Variants in BCL11B observed in about 807,000 individuals in gnomAD.
BCL11B encodes B-cell lymphoma/leukemia 11B.
Under a neutral mutation model 49.9 loss-of-function variants are expected in BCL11B, and 8 were observed. That is an observed-to-expected ratio of 0.16 (90% confidence interval 0.09 to 0.29). BCL11B has a LOEUF of 0.29. Among genes scored for constraint, BCL11B ranks in the 10% least tolerant of loss-of-function variants. The pLI is 1.00. For synonymous variants in BCL11B, 739 were observed against 637.4 expected (o/e 1.16, Z -2.40); for missense variants, 1,006 against 1,351.0 (o/e 0.74, Z 4.00).
Position 99,195,704 on chromosome 14 carries a change from G to C in BCL11B, c.641-19509C>G, listed in dbSNP as rs143836584. Among the ~76,000 whole-genome samples, 17 of 152,166 alleles carry C rather than the reference G, an allele frequency of 1.1e-4. No individual in the cohort carries two copies. Among genetic ancestry groups the C allele is most frequent in the Admixed American group, 3.9e-4 (6 of 15,296 alleles). ...AAATAAAGCATAAGTAAGTTTCCTC[G>C]AGCTAGCACCCCACCCCCAAGGATA... is the stretch of plus-strand genomic sequence containing the variant. On this transcript the variant is annotated intron_variant, in intron 3 of 3. Coordinates refer to ENST00000357195, the MANE Select transcript of BCL11B (RefSeq NM_138576.4). The surrounding 1 kb of genome is among the most constrained non-coding windows in gnomAD (Gnocchi z 4.7).
At chr14:99,258,557 C>G (rs1329058862) in intron 1 of BCL11B, among the ~76,000 whole-genome samples, 1 of 152,198 alleles carries the variant, frequency 6.6e-6, no homozygotes, top group East Asian at 1.9e-4. Context: ...AGCCCACATG[C>G]TCAGAAAGCA....
At chr14:99,216,489 G>A (rs1887837861) in intron 3 of BCL11B, among the ~76,000 whole-genome samples, 1 of 152,146 alleles carries the variant, frequency 6.6e-6, no homozygotes, top group African/African-American at 2.4e-5. Flanking sequence ...ACTCCTGGTG[G>A]GTCACACACC....
chr14:99,271,320 C>CGCTGCCGCT lies in BCL11B; in HGVS notation c.-103_-102insAGCGGCAGC, dbSNP rs905635781. Reference sequence around the variant, plus strand: ...GCCGCGCCGCTGCCGCCGCTGCCGCCGCCGCCGCCGCCGCCGCACCTCCTC... The same window carrying CGCTGCCGCT: ...GCCGCGCCGCTGCCGCCGCTGCCGCCGCTGCCGCTGCCGCCGCCGCCGCCGCACCTCCTC... On this transcript the variant is annotated 5_prime_UTR_variant, in exon 1 of 4. Transcript: ENST00000357195. 1.3e-6 allele frequency: 1 copy of CGCTGCCGCT among 745,820 alleles called. No individual in the cohort carries two copies. 46.2% of individuals were successfully genotyped at this position (745,820 alleles called of 1,614,324 possible). A position where few individuals can be genotyped will look rare whatever the true frequency, so the allele number is the denominator to read the frequency against.
At position 99,185,913 on chromosome 14, in the gene BCL11B, C is replaced by T. The variant is rs567346628; in HGVS notation, c.641-9718G>A. 4.6e-5 allele frequency among the ~76,000 whole-genome samples: 7 copies of T among 152,348 alleles called. No homozygotes were observed. In the East Asian group the frequency reaches 9.6e-4, roughly 21 times the overall value. Reference sequence around the variant, plus strand: ...GCAAGAAATGAGAGCACGGCTTCACCGTCAACTTCTCAACAACATTTATTC... The same window carrying T: ...GCAAGAAATGAGAGCACGGCTTCACTGTCAACTTCTCAACAACATTTATTC... On this transcript the variant is annotated intron_variant, in intron 3 of 3. Coordinates refer to ENST00000357195, the MANE Select transcript of BCL11B (RefSeq NM_138576.4).
In BCL11B at chr14:99,233,656, G is replaced by T. The variant is rs570881130; in HGVS notation, c.428-2099C>A. On this transcript the variant is annotated intron_variant, in intron 2 of 3. Coordinates refer to ENST00000357195, the MANE Select transcript of BCL11B (RefSeq NM_138576.4). ...CTCTGTCTCCGTGGTGGGAGGAACCGTTGCAGAGCAGGTAGAAAACAGGCA... is the reference window on the plus strand; with the variant it reads ...CTCTGTCTCCGTGGTGGGAGGAACCTTTGCAGAGCAGGTAGAAAACAGGCA... 2.6e-5 allele frequency among the ~76,000 whole-genome samples: 4 copies of T among 152,336 alleles called. 1 individual carries two copies. Among genetic ancestry groups the T allele is most frequent in the Admixed American group, 2.6e-4 (4 of 15,306 alleles).
intron 3 of BCL11B, among the ~76,000 whole-genome samples, chr14:99,206,538 C>T (rs1372433990): frequency 6.6e-6 from 1 of 152,218 alleles, no homozygotes; most frequent in African/African-American, 2.4e-5. Context: ...CCAGCATATC[C>T]ATGCTGTAAG....
At chr14:99,178,616 A>G (rs2139767915) in intron 3 of BCL11B, among the ~76,000 whole-genome samples, 1 of 152,334 alleles carries the variant, frequency 6.6e-6, no homozygotes, top group South Asian at 2.1e-4. Flanking sequence ...ACAGCCTCAT[A>G]GGAGAGCTGG....
rs976306028 is a variant in BCL11B, at chr14:99,205,200, G to A, written c.640+26145C>T. On this transcript the variant is annotated intron_variant, in intron 3 of 3. Coordinates refer to ENST00000357195, the MANE Select transcript of BCL11B (RefSeq NM_138576.4). The surrounding 1 kb of genome is among the most constrained non-coding windows in gnomAD (Gnocchi z 5.0). ...CTTGAACGAACCGAGGGCCCTCCTG[G>A]GCTGTCAAGAGAGAATTCTACAGCT... 1.3e-5 allele frequency among the ~76,000 whole-genome samples: 2 copies of A among 152,102 alleles called. No individual in the cohort carries two copies. Among genetic ancestry groups the A allele is most frequent in the Admixed American group, 6.5e-5 (1 of 15,288 alleles).
At chr14:99,199,519 G>T (rs988145583) in intron 3 of BCL11B, among the ~76,000 whole-genome samples, 12 of 152,158 alleles carry the variant, frequency 7.9e-5, no homozygotes, top group African/African-American at 2.9e-4. Flanking sequence ...GGACTGATTG[G>T]AGCGCTCTCG....
At position 99,247,270 on chromosome 14, in the gene BCL11B, G is replaced by A. The variant is rs1364132372; in HGVS notation, c.427+10201C>T. 6.6e-6 allele frequency among the ~76,000 whole-genome samples: 1 copy of A among 152,232 alleles called. No individual in the cohort carries two copies. The highest frequency in any genetic ancestry group is 6.5e-5 in the Admixed American group (1 of 15,288). ...GAAAGTTTTACAAGCCAATGATGCA[G>A]AGAGAAGACCACACTGTTTAGCTTT... On this transcript the variant is annotated intron_variant, in intron 2 of 3. Coordinates refer to ENST00000357195, the MANE Select transcript of BCL11B (RefSeq NM_138576.4). The surrounding 1 kb of genome is among the most constrained non-coding windows in gnomAD (Gnocchi z 4.5).
intron 2 of BCL11B, among the ~76,000 whole-genome samples, chr14:99,243,282 C>G (rs578051022): frequency 1.3e-5 from 2 of 152,072 alleles, no homozygotes; most frequent in Non-Finnish European, 2.9e-5. Flanking sequence ...ATTGAAAAAC[C>G]AAGTGCCCCC....
intron 3 of BCL11B, among the ~76,000 whole-genome samples, chr14:99,181,860 C>T (rs1886714222): frequency 1.3e-5 from 2 of 152,222 alleles, no homozygotes; most frequent in African/African-American, 4.8e-5. Flanking sequence ...TGGCTGGTTT[C>T]ACCGGCCAAC....
At chr14:99,245,791 C>A (rs886992125) in intron 2 of BCL11B, among the ~76,000 whole-genome samples, 2 of 152,068 alleles carry the variant, frequency 1.3e-5, no homozygotes, top group African/African-American at 2.4e-5. Flanking sequence ...GGAGGAGGGG[C>A]GGCCCCGTGC....
chr14:99,230,126 G>C (rs1176704083), intron 3 of BCL11B, among the ~76,000 whole-genome samples: 1 of 152,084 alleles, frequency 6.6e-6, no homozygotes, highest in Non-Finnish European at 1.5e-5. Flanking sequence ...AAAGCTCCAG[G>C]CCACCCTACT....
rs557288640 is a variant in BCL11B, at chr14:99,197,821, G to A, written c.641-21626C>T. On this transcript the variant is annotated intron_variant, in intron 3 of 3. Transcript: ENST00000357195. Reference sequence around the variant, plus strand: ...TGCGAGGGAGACATCCTCACCAAGTGTCCCCCTTTCTGGGTCATGCACCCC... The same window carrying A: ...TGCGAGGGAGACATCCTCACCAAGTATCCCCCTTTCTGGGTCATGCACCCC... Among the ~76,000 whole-genome samples the A allele has an allele frequency of 2.0e-5, 3 of 152,294 alleles. No homozygotes were observed. In the East Asian group the frequency reaches 5.8e-4, roughly 29 times the overall value.
chr14:99,271,201 C>T lies in BCL11B; in HGVS notation c.18G>A (p.Gln6=). 1.3e-6 allele frequency: 2 copies of T among 1,538,828 alleles called. No homozygotes were observed. The highest frequency in any genetic ancestry group is 1.2e-5 in the South Asian group (1 of 81,988). The change falls in exon 1 of 4, where the codon CAG becomes CAA. Residue 6 remains glutamine (Q), a synonymous_variant. Coordinates refer to ENST00000357195, the MANE Select transcript of BCL11B (RefSeq NM_138576.4). ...TCTGGGACAAGTGCTGCGGGTTGCC[C>T]TGTTTGCGGCGGGACATTGCCCCGG... is the stretch of plus-strand genomic sequence containing the variant. MSRRK[Q]GNPQHLSQRE... is the part of the protein sequence containing the mutation.
chr14:99,245,105 C>T (rs187502914), intron 2 of BCL11B, among the ~76,000 whole-genome samples: 16 of 152,280 alleles, frequency 1.1e-4, no homozygotes, highest in Admixed American at 9.8e-4. Flanking sequence ...TTCTTAAGAG[C>T]TTTGTGGTGG....
At chr14:99,206,980 T>C (rs1887550172) in intron 3 of BCL11B, among the ~76,000 whole-genome samples, 1 of 152,286 alleles carries the variant, frequency 6.6e-6, no homozygotes, top group Non-Finnish European at 1.5e-5. Context: ...TAAAAAACCA[T>C]GGGATGAAGC....
chr14:99,217,933 C>T (rs931399395), intron 3 of BCL11B, among the ~76,000 whole-genome samples: 2 of 152,132 alleles, frequency 1.3e-5, no homozygotes, highest in Non-Finnish European at 2.9e-5. Context: ...AAAAATATTT[C>T]TGGCTTCTCA....
Sources: gnomAD v4.1 joint callset for allele counts (sites outside exome capture counted in the v4.1 genomes callset) on GRCh38, gnomAD v4.1.1 for gene constraint, Gnocchi (gnomAD v3.1) non-coding constraint, MANE v1.5 for transcripts, NCBI Gene and HGNC (gene_info 2026-07-23, HGNC 2026-07-21) for gene names.